The following INTS2 variants were observed in gnomAD, a reference collection of about 807,000 sequenced individuals.
INTS2 encodes the protein KIAA1287.
A neutral mutation model predicts 139.6 loss-of-function variants in INTS2; 57 were observed. The observed-to-expected ratio is 0.41, with a 90% CI of 0.33 to 0.51. The LOEUF is 0.51. INTS2 is among the 20% of genes least tolerant of loss of function. The pLI is 0.28. For synonymous variants in INTS2, 473 were observed against 493.4 expected, an observed-to-expected ratio of 0.96 and a Z score of 0.55; for missense variants, 1,196 against 1,436.7, an observed-to-expected ratio of 0.83 and a Z score of 2.71.
intron 3 of INTS2, among the ~76,000 whole-genome samples, chr17:61,922,672 G>A (rs1372841563): frequency 6.6e-6 from 1 of 151,564 alleles, no homozygotes; most frequent in Non-Finnish European, 1.5e-5. Flanking sequence ...AATGAAGAGT[G>A]CCAAACTAAA....
intron 18 of INTS2, 100 bp downstream of exon 18, chr17:61,877,787 T>C: frequency 1.2e-6 from 1 of 810,974 alleles, no homozygotes; most frequent in Admixed American, 2.2e-5. Flanking sequence ...CAAATACTGC[T>C]ATGAGTGGTG....
Position 61,867,725 on chromosome 17 carries a change from A to T in INTS2, c.3423T>A (p.Arg1141=). 1.3e-6 allele frequency: 2 copies of T among 1,585,326 alleles called. No homozygotes were observed. The highest frequency in any genetic ancestry group is 1.7e-6 in the Non-Finnish European group (2 of 1,166,314). ...QTRDIDPIIT[R]LQQIKEKPSG... Reference sequence around the variant, plus strand: ...TTGGTTTCTCCTTTATTTGTTGAAGACCTACAACATAAGGGAAAAAAAACA... The same window carrying T: ...TTGGTTTCTCCTTTATTTGTTGAAGTCCTACAACATAAGGGAAAAAAAACA... The change falls in exon 25 of 25, where the codon CGT becomes CGA. Residue 1141 remains arginine (R), a splice_region_variant and synonymous_variant. Coordinates refer to ENST00000251334, the MANE Select transcript of INTS2 (RefSeq NM_001351695.2). The surrounding 1 kb of genome is among the most constrained non-coding windows in gnomAD (Gnocchi z 5.6).
At chr17:61,926,702 T>C (rs767523387) in intron 1 of INTS2, 40 bp from the exon 2 acceptor site, 7 of 1,504,002 alleles carry the variant, frequency 4.7e-6, no homozygotes, top group Non-Finnish European at 5.5e-6. Context: ...AGTTTAACTT[T>C]CACATGTATG....
intron 9 of INTS2, among the ~76,000 whole-genome samples, chr17:61,902,971 C>T (rs1275304915): frequency 1.3e-5 from 2 of 150,718 alleles, no homozygotes; most frequent in African/African-American, 2.4e-5. Flanking sequence ...TCGAGACCAT[C>T]GTGGCTAACA....
rs2079477026 is a variant in INTS2, at chr17:61,907,452, T to G, written c.1137A>C (p.Ala379=). The change falls in exon 8 of 25, where the codon GCA becomes GCC. Residue 379 remains alanine (A), a synonymous_variant. Transcript: ENST00000251334. ...LKEEHVVKAS[A]LLRLYCALMG... ...TCAAAGCACAGTACAGACGTAAGAG[T>G]GCACTGGCTTTCACAACATGCTCTT... The G allele has an allele frequency of 3.1e-6, 5 of 1,600,246 alleles. No individual in the cohort carries two copies. The highest frequency in any genetic ancestry group is 4.3e-6 in the Non-Finnish European group (5 of 1,173,624).
chr17:61,908,596 T>C (rs970922909), intron 7 of INTS2, among the ~76,000 whole-genome samples: 1 of 152,130 alleles, frequency 6.6e-6, no homozygotes, highest in Non-Finnish European at 1.5e-5. Flanking sequence ...TTCTAAACTA[T>C]ACAGGGCTAG....
chr17:61,925,850 C>T (rs1336529028), intron 2 of INTS2, among the ~76,000 whole-genome samples: 2 of 151,746 alleles, frequency 1.3e-5, no homozygotes, highest in Admixed American at 1.3e-4. Context: ...CATGATGAAA[C>T]CCCATCTCTA....
At chr17:61,926,314 T>G in intron 2 of INTS2, 38 bp downstream of exon 2, 1 of 1,480,920 alleles carries the variant, frequency 6.8e-7, no homozygotes, top group Non-Finnish European at 9.1e-7. Context: ...CTGTTCTTTG[T>G]CAAATCCAAA....
At chr17:61,916,347 T>C (rs1376912046) in intron 5 of INTS2, among the ~76,000 whole-genome samples, 3 of 152,124 alleles carry the variant, frequency 2.0e-5, no homozygotes, top group Non-Finnish European at 4.4e-5. Context: ...GGCAGGAGAA[T>C]GGCGTGAACC....
intron 9 of INTS2, among the ~76,000 whole-genome samples, chr17:61,901,112 CA>C (rs2079400250): frequency 6.6e-6 from 1 of 151,818 alleles, no homozygotes; most frequent in Non-Finnish European, 1.5e-5. Flanking sequence ...CCCATCCCTA[CA>C]AAAAACTTTT....
chr17:61,914,180 T>A (rs1320452571), intron 5 of INTS2, among the ~76,000 whole-genome samples: 1 of 151,596 alleles, frequency 6.6e-6, no homozygotes, highest in African/African-American at 2.4e-5. Context: ...GATGAAGAAA[T>A]ATATACACCA....
rs771104424 is a variant in INTS2 at position 61,909,107 on chromosome 17, G to T, written c.955-1473C>A. On this transcript the variant is annotated intron_variant, in intron 7 of 24. Coordinates refer to ENST00000251334, the MANE Select transcript of INTS2 (RefSeq NM_001351695.2). The surrounding 1 kb of genome is among the most constrained non-coding windows in gnomAD (Gnocchi z 4.9). ...ATAAAATGTGGTATATACACACAAT[G>T]GAATATTATTTTTCTTTTTTTTTGA... is the stretch of plus-strand genomic sequence containing the variant. Among the ~76,000 whole-genome samples the T allele has an allele frequency of 5.2e-4, 78 of 150,854 alleles. No individual in the cohort carries two copies. The highest frequency in any genetic ancestry group is 9.6e-4 in the Non-Finnish European group (65 of 67,670).
intron 9 of INTS2, among the ~76,000 whole-genome samples, chr17:61,898,426 T>C (rs1007374559): frequency 3.3e-5 from 5 of 149,814 alleles, no homozygotes; most frequent in South Asian, 2.1e-4. Context: ...TCCCAAGTAG[T>C]TGGGACTACA....
Position 61,869,190 on chromosome 17 carries a change from A to G in INTS2, c.3139-51T>C. Reference sequence around the variant, plus strand: ...ATGTTTCTCAAGAATATCTTTAGGTATTAAAAATTATAAAATGTTTTGTAT... The same window carrying G: ...ATGTTTCTCAAGAATATCTTTAGGTGTTAAAAATTATAAAATGTTTTGTAT... On this transcript the variant is annotated intron_variant, in intron 22 of 24. Transcript: ENST00000251334. The surrounding 1 kb of genome is among the most constrained non-coding windows in gnomAD (Gnocchi z 5.4). 6.8e-7 allele frequency: 1 copy of G among 1,466,948 alleles called. No individual in the cohort carries two copies. Among genetic ancestry groups the G allele is most frequent in the Non-Finnish European group, 9.5e-7 (1 of 1,051,598 alleles). The allele number at this position is 1,466,948 out of a possible 1,614,324, so 90.9% of individuals were successfully genotyped here.
At chr17:61,917,756 A>G (rs2079597765) in intron 5 of INTS2, among the ~76,000 whole-genome samples, 4 of 152,196 alleles carry the variant, frequency 2.6e-5, no homozygotes, top group South Asian at 2.1e-4. Context: ...AAACCTGCAC[A>G]TGTACCCCCC....
At position 61,865,981 on chromosome 17, in the gene INTS2, T is replaced by C. The variant is rs2079042301; in HGVS notation, c.*1576A>G. 6.6e-6 allele frequency: 1 copy of C among 152,386 alleles called. No homozygotes were observed. The highest frequency in any genetic ancestry group is 1.5e-5 in the Non-Finnish European group (1 of 68,010). The allele number at this position is 152,386 out of a possible 1,614,324, so 9.4% of individuals were successfully genotyped here. A position where few individuals can be genotyped will look rare whatever the true frequency, so the allele number is the denominator to read the frequency against. On this transcript the variant is annotated 3_prime_UTR_variant, in exon 25 of 25. Coordinates refer to ENST00000251334, the MANE Select transcript of INTS2 (RefSeq NM_001351695.2). The surrounding 1 kb of genome is among the most constrained non-coding windows in gnomAD (Gnocchi z 4.8). ...AACCCCATTTTACAAAGGAAGAAAA[T>C]GAGATGTGACTATTTACTAGTGAAA...
chr17:61,889,100 T>G (rs1321075915), intron 15 of INTS2, among the ~76,000 whole-genome samples: 1 of 151,442 alleles, frequency 6.6e-6, no homozygotes, highest in Non-Finnish European at 1.5e-5. Flanking sequence ...ACTTTTTTTT[T>G]TTTTTGAGAC....
At chr17:61,885,507 C>T (rs182717838) in intron 15 of INTS2, among the ~76,000 whole-genome samples, 4 of 151,622 alleles carry the variant, frequency 2.6e-5, no homozygotes, top group Admixed American at 2.0e-4. Flanking sequence ...CTCCGCTTCC[C>T]GGGTTCAAGC....
intron 8 of INTS2, 140 bp from the exon 9 acceptor site, chr17:61,904,725 C>T: frequency 1.4e-6 from 1 of 694,314 alleles, no homozygotes; most frequent in Non-Finnish European, 2.3e-6. Flanking sequence ...TCTCAAGTTG[C>T]CAAATGCAAA....
Sources: allele counts gnomAD v4.1 joint callset (sites outside exome capture counted in the v4.1 genomes callset), GRCh38; gene constraint gnomAD v4.1.1; non-coding constraint Gnocchi (gnomAD v3.1); transcripts MANE v1.5; gene names NCBI Gene and HGNC (gene_info 2026-07-23, HGNC 2026-07-21).